The following KLRG2 variants were observed in gnomAD, a reference collection of about 807,000 sequenced individuals.
KLRG2 encodes killer cell lectin like receptor G2, also known as killer cell lectin-like receptor subfamily G member 2.
A neutral mutation model predicts 35.4 loss-of-function variants in KLRG2; 39 were observed. The ratio of observed to expected loss-of-function variants is 1.10; its 90% CI spans 0.85 to 1.44. KLRG2 has a LOEUF of 1.44. Ranked by LOEUF, KLRG2 falls within the 40% of genes most tolerant of loss-of-function variation. The pLI is 0.00. For synonymous variants in KLRG2, 283 were observed against 265.8 expected, an observed-to-expected ratio of 1.06 and a Z score of -0.63; for missense variants, 632 against 570.9, an observed-to-expected ratio of 1.11 and a Z score of -1.09.
At chr7:139,441,710 T>A in the KLRG2 span, among the ~76,000 whole-genome samples, 1 of 151,898 alleles carries the variant, frequency 6.6e-6, no homozygotes, top group Non-Finnish European at 1.5e-5. Context: ...GAGGTAGAGA[T>A]TGGATTGAGT....
At chr7:139,469,144 T>A (rs2116458794) in intron 3 of KLRG2, among the ~76,000 whole-genome samples, 1 of 152,278 alleles carries the variant, frequency 6.6e-6, no homozygotes, top group South Asian at 2.1e-4. Context: ...CCCAGTAAAC[T>A]AATACCATAA....
intron 3 of KLRG2, among the ~76,000 whole-genome samples, chr7:139,476,696 G>T (rs1221455511): frequency 6.6e-6 from 1 of 152,082 alleles, no homozygotes; most frequent in Non-Finnish European, 1.5e-5. Flanking sequence ...TGCCTCCTCA[G>T]GCTCCCAAAG....
At chr7:139,463,405 C>T (rs1030572590) in intron 3 of KLRG2, among the ~76,000 whole-genome samples, 1 of 152,214 alleles carries the variant, frequency 6.6e-6, no homozygotes, top group African/African-American at 2.4e-5. Flanking sequence ...GGCAGCCAGA[C>T]AGCAACGCAT....
At chr7:139,463,583 A>G (rs966686663) in intron 3 of KLRG2, among the ~76,000 whole-genome samples, 2 of 152,208 alleles carry the variant, frequency 1.3e-5, no homozygotes, top group Non-Finnish European at 2.9e-5. Context: ...AAATCTGGCC[A>G]CTGGGCCAAG....
the KLRG2 span, among the ~76,000 whole-genome samples, chr7:139,434,219 G>C: frequency 6.6e-6 from 1 of 152,204 alleles, no homozygotes; most frequent in African/African-American, 2.4e-5. Context: ...ATCCTTTAGG[G>C]CTCCGCGTCT....
the KLRG2 span, among the ~76,000 whole-genome samples, chr7:139,444,038 G>A: frequency 6.6e-6 from 1 of 152,220 alleles, no homozygotes; most frequent in African/African-American, 2.4e-5. Context: ...GAAGAACTTG[G>A]AGTCTGATGT....
chr7:139,480,841 T>C (rs939553099), intron 1 of KLRG2, among the ~76,000 whole-genome samples: 1 of 150,700 alleles, frequency 6.6e-6, no homozygotes, highest in Non-Finnish European at 1.5e-5. Flanking sequence ...CCTCCTGGGT[T>C]CAAGCAATTC....
intron 3 of KLRG2, among the ~76,000 whole-genome samples, chr7:139,465,542 A>C (rs1303144419): frequency 6.6e-6 from 1 of 152,054 alleles, no homozygotes; most frequent in Admixed American, 6.6e-5. Context: ...AATACAAAAA[A>C]TTAGCCAGGC....
chr7:139,466,742 A>G (rs939413577), intron 3 of KLRG2, among the ~76,000 whole-genome samples: 3 of 147,092 alleles, frequency 2.0e-5, no homozygotes, highest in South Asian at 4.4e-4. Context: ...GCTAAAAATA[A>G]AATAAAAAAA....
At chr7:139,482,023 C>T (rs1261544148) in intron 1 of KLRG2, among the ~76,000 whole-genome samples, 2 of 152,180 alleles carry the variant, frequency 1.3e-5, no homozygotes, top group Non-Finnish European at 2.9e-5. Flanking sequence ...TTATCCAGGA[C>T]AGTCTGTATC....
chr7:139,480,250 G>T lies in KLRG2; in HGVS notation c.758-3C>A, dbSNP rs1027334759. ...GGACTTCACGTACATGGGTAGCCCTGGGACGGGGGCAAACAGGATAATCAG... is the reference window on the plus strand; with the variant it reads ...GGACTTCACGTACATGGGTAGCCCTTGGACGGGGGCAAACAGGATAATCAG... On this transcript the variant is annotated splice_region_variant and splice_polypyrimidine_tract_variant and intron_variant, in intron 1 of 4. Transcript: ENST00000340940. The T allele has an allele frequency of 2.6e-6, 4 of 1,557,964 alleles. No homozygotes were observed. The East Asian group carries it at 9.0e-5, about 35-fold the overall frequency.
At position 139,483,005 on chromosome 7, in the gene KLRG2, G is replaced by A. The variant is rs759390455; in HGVS notation, c.638C>T (p.Pro213Leu). The A allele has an allele frequency of 7.3e-7, 1 of 1,376,544 alleles. No homozygotes were observed. Among genetic ancestry groups the A allele is most frequent in the Non-Finnish European group, 9.3e-7 (1 of 1,073,032 alleles). 85.3% of individuals were successfully genotyped at this position (1,376,544 alleles called of 1,614,324 possible). ...GCAGCGGCAGCACGTGGGGGAGCCCGGGGAGCCGGCGCTTCCTTCCGCGGG... is the reference window on the plus strand; with the variant it reads ...GCAGCGGCAGCACGTGGGGGAGCCCAGGGAGCCGGCGCTTCCTTCCGCGGG... ...ASPAEGSAGS[P>L]GSPTCCRCKE... Residue 213 changes from proline to leucine, a missense_variant, in exon 1 of 5, where the codon CCG (proline) becomes CTG (leucine). Transcript: ENST00000340940.
the KLRG2 span, among the ~76,000 whole-genome samples, chr7:139,434,761 G>A: frequency 6.6e-6 from 1 of 152,212 alleles, no homozygotes; most frequent in South Asian, 2.1e-4. Flanking sequence ...GCGCTAGTGA[G>A]GCGGTGCGGC....
chr7:139,472,711 A>C (rs766584336), intron 3 of KLRG2, among the ~76,000 whole-genome samples: 1 of 152,342 alleles, frequency 6.6e-6, no homozygotes, highest in South Asian at 2.1e-4. Context: ...ACAGATAGAC[A>C]GCTGGGAGAA....
the KLRG2 span, among the ~76,000 whole-genome samples, chr7:139,436,575 G>T: frequency 8.9e-6 from 1 of 111,908 alleles, no homozygotes; most frequent in Admixed American, 8.1e-5. Context: ...GCTGGCCACC[G>T]CAGAAGCAAG....
chr7:139,473,835 G>A (rs1016820734), intron 3 of KLRG2, among the ~76,000 whole-genome samples: 2 of 151,958 alleles, frequency 1.3e-5, no homozygotes, highest in African/African-American at 4.8e-5. Flanking sequence ...ACATTTGAAA[G>A]GTCAAAACAG....
At chr7:139,445,767 G>GTATA in the KLRG2 span, among the ~76,000 whole-genome samples, 20 of 89,616 alleles carry the variant, frequency 2.2e-4, no homozygotes, top group African/African-American at 1.7e-3. Context: ...ATATGTGTAT[G>GTATA]TATATATATA....
At chr7:139,480,942 C>T (rs576442409) in intron 1 of KLRG2, among the ~76,000 whole-genome samples, 5 of 151,934 alleles carry the variant, frequency 3.3e-5, no homozygotes, top group Admixed American at 6.6e-5. Context: ...TGGGGTTTGA[C>T]GATGTTGGTC....
the KLRG2 span, among the ~76,000 whole-genome samples, chr7:139,435,981 A>G: frequency 2.0e-5 from 3 of 151,294 alleles, no homozygotes; most frequent in Admixed American, 6.6e-5. Flanking sequence ...GGCTCATTGC[A>G]ACCTCCACCT....
Sources: gnomAD v4.1 joint callset for allele counts (sites outside exome capture counted in the v4.1 genomes callset) on GRCh38, gnomAD v4.1.1 for gene constraint, MANE v1.5 for transcripts, NCBI Gene and HGNC (gene_info 2026-07-23, HGNC 2026-07-21) for gene names.